The following MTAP variants were observed in gnomAD, a reference collection of about 807,000 sequenced individuals.
MTAP encodes the protein S-methyl-5'-thioadenosine phosphorylase.
A neutral mutation model predicts 33.6 loss-of-function variants in MTAP; 33 were observed. That is an observed-to-expected ratio of 0.98 (90% confidence interval 0.74 to 1.31). The LOEUF (loss-of-function observed/expected upper bound fraction) is 1.31, where lower values mean the gene tolerates loss of function less well. Among genes scored for constraint, MTAP ranks in the 40% most tolerant of loss-of-function variants. The probability of loss-of-function intolerance (pLI) is 0.00; values close to 1 mark genes in which losing one functional copy is unlikely to be tolerated. For synonymous variants in MTAP, 148 were observed against 125.7 expected (o/e 1.18, Z -1.19); for missense variants, 367 against 360.0 (o/e 1.02, Z -0.16).
At chr9:21,803,247 C>G (rs2117858217) in intron 1 of MTAP, 2 of 299,690 alleles carry the variant, frequency 6.7e-6, no homozygotes, top group South Asian at 1.5e-4. Context: ...CTCCAGCTTC[C>G]GCTCTCTGAC....
chr9:21,811,497 C>T lies in MTAP; in HGVS notation c.34-3936C>T, dbSNP rs1824346945. On this transcript the variant is annotated intron_variant, in intron 1 of 7. Coordinates refer to ENST00000644715, the MANE Select transcript of MTAP (RefSeq NM_002451.4). ...TGCTTTCTTTGGGGTGTCTTTAGAA[C>T]ATGTGATGTCAAGACACAACAGCAA... 3 of 252,436 alleles carry T rather than the reference C, an allele frequency of 1.2e-5. No homozygotes were observed. The South Asian group carries it at 1.3e-4, about 11-fold the overall frequency. 15.6% of individuals were successfully genotyped at this position (252,436 alleles called of 1,614,324 possible). A position where few individuals can be genotyped will look rare whatever the true frequency, so the allele number is the denominator to read the frequency against.
Position 21,802,642 on chromosome 9 carries a change from A to T in MTAP, c.-107A>T. 7.7e-7 allele frequency: 1 copy of T among 1,295,188 alleles called. No individual in the cohort carries two copies. The highest frequency in any genetic ancestry group is 1.3e-5 in the South Asian group (1 of 79,694). The allele number at this position is 1,295,188 out of a possible 1,614,324, so 80.2% of individuals were successfully genotyped here. ...GTCAAGGCCCGCCCCTGGTCTCCGC[A>T]CTGCTCACTCCCGCGCAGTGAGGTT... On this transcript the variant is annotated 5_prime_UTR_variant, in exon 1 of 8. Transcript: ENST00000644715.
At chr9:21,907,155 T>A (rs75855025) in intron 1 of MTAP, among the ~76,000 whole-genome samples, 3,462 of 152,326 alleles carry the variant, frequency 0.023, 139 homozygotes, top group African/African-American at 0.076. Context: ...ATATTTAGAC[T>A]ATGTGAACCC....
intron 1 of MTAP, among the ~76,000 whole-genome samples, chr9:21,890,141 T>C (rs1290728506): frequency 1.3e-5 from 2 of 151,926 alleles, no homozygotes; most frequent in Non-Finnish European, 2.9e-5. Flanking sequence ...GGATGGGGTA[T>C]GGTTCTTAAG....
At chr9:21,807,345 G>A (rs1417219779) in intron 1 of MTAP, among the ~76,000 whole-genome samples, 2 of 152,322 alleles carry the variant, frequency 1.3e-5, no homozygotes, top group African/African-American at 2.4e-5. Context: ...TGTCTTGAGT[G>A]TGGCCTGCAA....
At chr9:21,912,414 C>A (rs1048747921) in intron 1 of MTAP, among the ~76,000 whole-genome samples, 1 of 152,180 alleles carries the variant, frequency 6.6e-6, no homozygotes, top group African/African-American at 2.4e-5. Context: ...TCCAGCAGCA[C>A]ATCCAAAAGC....
At chr9:21,891,038 C>T (rs1209528926) in intron 1 of MTAP, among the ~76,000 whole-genome samples, 1 of 151,932 alleles carries the variant, frequency 6.6e-6, no homozygotes, top group Non-Finnish European at 1.5e-5. Flanking sequence ...GTCTAGGAAC[C>T]GTAGTTTGAG....
At chr9:21,850,863 T>C (rs1233919032) in intron 5 of MTAP, among the ~76,000 whole-genome samples, 5 of 152,148 alleles carry the variant, frequency 3.3e-5, no homozygotes, top group African/African-American at 1.2e-4. Context: ...CTCAAGCAGG[T>C]CCTGAAGGCA....
rs141268820 is a variant in MTAP at position 21,825,361 on chromosome 9, C to A, written c.347+7159C>A. On this transcript the variant is annotated intron_variant, in intron 4 of 7. Transcript: ENST00000644715. ...ATGGAAGTGCTGATGTCTTTCTTGA[C>A]GTAAAATTTCATTTCCTTATACACT... is the stretch of plus-strand genomic sequence containing the variant. 6.9e-3 allele frequency among the ~76,000 whole-genome samples: 1,055 copies of A among 152,228 alleles called. 11 individuals carry two copies. Among genetic ancestry groups the A allele is most frequent in the African/African-American group, 0.023 (946 of 41,546 alleles).
downstream of MTAP, among the ~76,000 whole-genome samples, chr9:21,867,338 A>G (rs1170761088): frequency 6.6e-6 from 1 of 152,162 alleles, no homozygotes; most frequent in Non-Finnish European, 1.5e-5. Flanking sequence ...TGTTTTTATC[A>G]GATTGAAGAT....
intron 1 of MTAP, among the ~76,000 whole-genome samples, chr9:21,881,716 A>G (rs992139147): frequency 6.6e-6 from 1 of 152,034 alleles, no homozygotes; most frequent in Admixed American, 6.6e-5. Flanking sequence ...GCTACTATCA[A>G]AAAAAACAGA....
intron 1 of MTAP, among the ~76,000 whole-genome samples, chr9:21,909,823 T>C (rs1353981733): frequency 1.3e-5 from 2 of 152,170 alleles, no homozygotes; most frequent in Admixed American, 1.3e-4. Context: ...TAATACTAAT[T>C]TCCCCACTTT....
At chr9:21,877,815 T>C (rs1826033362) in intron 1 of MTAP, among the ~76,000 whole-genome samples, 1 of 152,066 alleles carries the variant, frequency 6.6e-6, no homozygotes, top group Non-Finnish European at 1.5e-5. Context: ...TTGCCTGAAG[T>C]TTTCTTATTT....
At chr9:21,913,457 C>T (rs1390186572) in intron 1 of MTAP, among the ~76,000 whole-genome samples, 1 of 152,070 alleles carries the variant, frequency 6.6e-6, no homozygotes, top group Non-Finnish European at 1.5e-5. Flanking sequence ...CAGAATAGAG[C>T]CCATGGAAAT....
chr9:21,848,741 A>G (rs1401965805), intron 5 of MTAP, among the ~76,000 whole-genome samples: 2 of 152,140 alleles, frequency 1.3e-5, no homozygotes, highest in Non-Finnish European at 2.9e-5. Context: ...GAGCCCTGTA[A>G]TTGCTCTTCT....
chr9:21,898,783 T>C (rs189587084), intron 1 of MTAP, among the ~76,000 whole-genome samples: 28 of 152,294 alleles, frequency 1.8e-4, no homozygotes, highest in Admixed American at 1.8e-3. Flanking sequence ...ACACTGTTGG[T>C]GGGACTGTAA....
intron 4 of MTAP, among the ~76,000 whole-genome samples, chr9:21,825,589 G>A (rs144758237): frequency 2.0e-4 from 30 of 152,304 alleles, no homozygotes; most frequent in African/African-American, 5.5e-4. Context: ...TGTAATCCTA[G>A]CACTTTGAGA....
At chr9:21,918,361 A>C (rs1024009391) in intron 1 of MTAP, among the ~76,000 whole-genome samples, 16 of 149,892 alleles carry the variant, frequency 1.1e-4, no homozygotes, top group Non-Finnish European at 2.1e-4. Context: ...AAAAAAAAAA[A>C]AAAAAAAAAA....
downstream of MTAP, among the ~76,000 whole-genome samples, chr9:21,871,523 A>G (rs570041567): frequency 6.6e-6 from 1 of 152,328 alleles, no homozygotes; most frequent in East Asian, 1.9e-4. Flanking sequence ...TGGTTCAGGA[A>G]TTATTTCTAC....
Sources: allele counts gnomAD v4.1 joint callset (sites outside exome capture counted in the v4.1 genomes callset), GRCh38; gene constraint gnomAD v4.1.1; transcripts MANE v1.5; gene names NCBI Gene and HGNC (gene_info 2026-07-23, HGNC 2026-07-21).